The following DIP2A variants were observed in gnomAD, a reference collection of about 807,000 sequenced individuals.
DIP2A encodes disco-interacting protein 2 homolog A.
A neutral mutation model predicts 177.4 loss-of-function variants in DIP2A; 85 were observed. That is an observed-to-expected ratio of 0.48 (90% CI 0.40 to 0.57). The LOEUF is 0.57. Among genes scored for constraint, DIP2A ranks in the 20% least tolerant of loss-of-function variants. The pLI, the probability that DIP2A is intolerant of heterozygous loss-of-function variation, is 0.00. For synonymous variants in DIP2A, 886 were observed against 881.8 expected, an observed-to-expected ratio of 1.00 and a Z score of -0.08; for missense variants, 1,791 against 2,100.2, an observed-to-expected ratio of 0.85 and a Z score of 2.88.
chr21:46,490,158 G>T (rs2056927622), intron 2 of DIP2A, among the ~76,000 whole-genome samples: 1 of 152,196 alleles, frequency 6.6e-6, no homozygotes, highest in Non-Finnish European at 1.5e-5. Context: ...GTGGACCCCA[G>T]TGGTGGTCTG....
chr21:46,513,449 G>T (rs1002024861), intron 8 of DIP2A, among the ~76,000 whole-genome samples: 4 of 152,100 alleles, frequency 2.6e-5, no homozygotes, highest in African/African-American at 9.7e-5. Flanking sequence ...TGTTGGCGGG[G>T]GGTGTTGTCA....
intron 23 of DIP2A, among the ~76,000 whole-genome samples, chr21:46,551,407 C>A (rs373233276): frequency 6.6e-6 from 1 of 152,096 alleles, no homozygotes; most frequent in Admixed American, 6.5e-5. Context: ...CTCTGAGATG[C>A]GTCGTGTAGT....
At chr21:46,505,485 T>A (rs1363128214) in intron 6 of DIP2A, among the ~76,000 whole-genome samples, 2 of 152,120 alleles carry the variant, frequency 1.3e-5, no homozygotes, top group Non-Finnish European at 2.9e-5. Flanking sequence ...GGCGGGCGTC[T>A]ATAGTCCCAG....
intron 17 of DIP2A, among the ~76,000 whole-genome samples, chr21:46,540,441 A>G (rs992226490): frequency 6.6e-6 from 1 of 151,810 alleles, no homozygotes; most frequent in Admixed American, 6.6e-5. Flanking sequence ...CCCTCATGTC[A>G]TGTTTCTCAG....
chr21:46,487,695 A>T (rs1010511527), intron 2 of DIP2A, among the ~76,000 whole-genome samples: 7 of 152,226 alleles, frequency 4.6e-5, no homozygotes, highest in Non-Finnish European at 1.0e-4. Flanking sequence ...GTTTTCAAAT[A>T]TGAAAAAATC....
chr21:46,474,936 G>A (rs1257977337), intron 1 of DIP2A, among the ~76,000 whole-genome samples: 1 of 152,202 alleles, frequency 6.6e-6, no homozygotes, highest in Admixed American at 6.5e-5. Context: ...TTGTGGAGGA[G>A]GATGGGAGGT....
intron 8 of DIP2A, among the ~76,000 whole-genome samples, chr21:46,526,354 G>A (rs1427332422): frequency 1.3e-5 from 2 of 148,398 alleles, no homozygotes; most frequent in African/African-American, 2.5e-5. Flanking sequence ...GTGTGTGTGT[G>A]TTTTAAGCTT....
the DIP2A span, among the ~76,000 whole-genome samples, chr21:46,577,834 G>A: frequency 6.6e-6 from 1 of 152,118 alleles, no homozygotes; most frequent in African/African-American, 2.4e-5. Flanking sequence ...AGTTCTCCTC[G>A]AAGAGGTCCT....
At chr21:46,528,539 T>C (rs867884524) in intron 8 of DIP2A, among the ~76,000 whole-genome samples, 10 of 57,578 alleles carry the variant, frequency 1.7e-4, no homozygotes, top group African/African-American at 2.6e-4. Context: ...TTTTTTTTTT[T>C]TTTTTTTTTT....
At chr21:46,493,416 T>C (rs2057133166) in intron 3 of DIP2A, among the ~76,000 whole-genome samples, 1 of 152,236 alleles carries the variant, frequency 6.6e-6, no homozygotes, top group African/African-American at 2.4e-5. Flanking sequence ...CTTGCTCTCT[T>C]TTCGTGAGTG....
chr21:46,502,298 G>A (rs569245153), intron 5 of DIP2A, among the ~76,000 whole-genome samples: 1 of 114,858 alleles, frequency 8.7e-6, no homozygotes, highest in Admixed American at 8.5e-5. Flanking sequence ...ACCATGCCCA[G>A]CTAATTTTTT....
the DIP2A span, among the ~76,000 whole-genome samples, chr21:46,576,121 G>A: frequency 6.6e-6 from 1 of 152,108 alleles, no homozygotes; most frequent in African/African-American, 2.4e-5. Context: ...GACCCCCGAT[G>A]GCAATTTTTA....
chr21:46,479,039 C>G (rs1437153109), intron 1 of DIP2A, among the ~76,000 whole-genome samples: 1 of 152,216 alleles, frequency 6.6e-6, no homozygotes, highest in African/African-American at 2.4e-5. Flanking sequence ...TGATTTGAAA[C>G]TGGCTCCAGT....
In DIP2A at chr21:46,511,596, G is replaced by A. The variant is rs774688146; in HGVS notation, c.1084G>A (p.Val362Ile). The A allele has an allele frequency of 1.2e-5, 19 of 1,547,012 alleles. No homozygotes were observed. The highest frequency in any genetic ancestry group is 6.9e-5 in the East Asian group (3 of 43,398). ...TGCCTTGGATACAACTGGGAAAGCC[G>A]TCTACACTCTCACCTATGGCAAGTG... is the stretch of plus-strand genomic sequence containing the variant. ...LTALDTTGKA[V>I]YTLTYGKLWS... Residue 362 changes from valine to isoleucine, a missense_variant, in exon 8 of 38, where the codon GTC becomes ATC. Physicochemically the swap from Val to Ile is conservative, Grantham distance 29. Coordinates refer to ENST00000417564, the MANE Select transcript of DIP2A (RefSeq NM_015151.4).
At position 46,539,847 on chromosome 21, in the gene DIP2A, C is replaced by A. The variant is rs938066117; in HGVS notation, c.1922-30C>A. 3.2e-6 allele frequency: 5 copies of A among 1,570,448 alleles called. No individual in the cohort carries two copies. In the Admixed American group the frequency reaches 6.7e-5, roughly 21 times the overall value. On this transcript the variant is annotated intron_variant, in intron 16 of 37. Coordinates refer to ENST00000417564, the MANE Select transcript of DIP2A (RefSeq NM_015151.4). ...TTCCCTGCTGGCCCCCCAGTTAGTG[C>A]TGGCGTTCCACTCTTGTTGCTCTGT...
Position 46,498,703 on chromosome 21 carries a change from C to T in DIP2A, c.525C>T (p.Ser175=). ...TCGACCGGGTCATTCAGGGCTCGTCCACCTCATCCTCTGCATCCTCCACCT... is the reference window on the plus strand; with the variant it reads ...TCGACCGGGTCATTCAGGGCTCGTCTACCTCATCCTCTGCATCCTCCACCT... The part of the protein sequence containing the change: ...PWLDRVIQGS[S]TSSSASSTSS... Residue 175 remains serine (S), a synonymous_variant, in exon 5 of 38, where the codon TCC becomes TCT. Coordinates refer to ENST00000417564, the MANE Select transcript of DIP2A (RefSeq NM_015151.4). This position sits in a 1 kb window ranked among gnomAD's most constrained non-coding sequence, Gnocchi z 4.3. 1 of 1,613,924 alleles carries T rather than the reference C, an allele frequency of 6.2e-7. No individual in the cohort carries two copies. Among genetic ancestry groups the T allele is most frequent in the Non-Finnish European group, 8.5e-7 (1 of 1,179,888 alleles).
In DIP2A at chr21:46,556,316, T is replaced by C; in HGVS notation, c.3498+225T>C. On this transcript the variant is annotated intron_variant, in intron 29 of 37. Transcript: ENST00000417564. The surrounding 1 kb of genome is among the most constrained non-coding windows in gnomAD (Gnocchi z 4.5). ...TTATGGTTATGTCTAAACTTTCTGATTTATGACTGTCTAGCTTACAGGAAC... is the reference window on the plus strand; with the variant it reads ...TTATGGTTATGTCTAAACTTTCTGACTTATGACTGTCTAGCTTACAGGAAC... 1 of 1,492,218 alleles carries C rather than the reference T, an allele frequency of 6.7e-7. No homozygotes were observed. Among genetic ancestry groups the C allele is most frequent in the Non-Finnish European group, 9.0e-7 (1 of 1,109,960 alleles). The allele number at this position is 1,492,218 out of a possible 1,614,324, so 92.4% of individuals were successfully genotyped here.
At chr21:46,576,373 T>C in the DIP2A span, among the ~76,000 whole-genome samples, 2 of 152,070 alleles carry the variant, frequency 1.3e-5, no homozygotes, top group African/African-American at 4.8e-5. Flanking sequence ...GAACATGTGG[T>C]GTTTGGTTTT....
At position 46,561,066 on chromosome 21, in the gene DIP2A, A is replaced by T. The variant is rs535552003; in HGVS notation, c.4031+283A>T. ...CCGTGTCCCCAGGGCTGCAGTTAACATCCCTTTATCTGTCACACAACCAGG... is the reference window on the plus strand; with the variant it reads ...CCGTGTCCCCAGGGCTGCAGTTAACTTCCCTTTATCTGTCACACAACCAGG... On this transcript the variant is annotated intron_variant, in intron 33 of 37. Coordinates refer to ENST00000417564, the MANE Select transcript of DIP2A (RefSeq NM_015151.4). 1.2e-5 allele frequency: 11 copies of T among 947,920 alleles called. No homozygotes were observed. The South Asian group carries it at 5.4e-4, about 46-fold the overall frequency. The allele number at this position is 947,920 out of a possible 1,614,324, so 58.7% of individuals were successfully genotyped here. A position where few individuals can be genotyped will look rare whatever the true frequency, so the allele number is the denominator to read the frequency against.
Sources: allele counts gnomAD v4.1 joint callset (sites outside exome capture counted in the v4.1 genomes callset), GRCh38; gene constraint gnomAD v4.1.1; non-coding constraint Gnocchi (gnomAD v3.1); transcripts MANE v1.5; gene names NCBI Gene and HGNC (gene_info 2026-07-23, HGNC 2026-07-21).